HERC2: variants seen among roughly 807,000 people sequenced by gnomAD.
HERC2 encodes the protein HECT and RLD domain containing E3 ubiquitin protein ligase 2, also known as E3 ubiquitin-protein ligase HERC2.
HERC2 carries 102 observed loss-of-function variants against 537.7 expected under a neutral mutation model. That is an observed-to-expected ratio of 0.19 (90% CI 0.16 to 0.22). The LOEUF (loss-of-function observed/expected upper bound fraction) is 0.22, where lower values mean the gene tolerates loss of function less well. HERC2 is among the 10% of genes least tolerant of loss of function. The pLI is 1.00. For synonymous variants in HERC2, 2,224 were observed against 2,466.2 expected, an observed-to-expected ratio of 0.90 and a Z score of 2.91; for missense variants, 4,236 against 6,198.2, an observed-to-expected ratio of 0.68 and a Z score of 10.63.
intron 72 of HERC2, among the ~76,000 whole-genome samples, chr15:28,144,458 C>T (rs1192670816): frequency 3.3e-5 from 5 of 152,236 alleles, no homozygotes; most frequent in Admixed American, 2.0e-4. Context: ...ACTCCTTCCA[C>T]ACCAGGTGAG....
At chr15:28,118,224 G>C (rs1238127412) in intron 86 of HERC2, 3 of 157,924 alleles carry the variant, frequency 1.9e-5, no homozygotes, top group Admixed American at 5.9e-5. Flanking sequence ...TACAAGAAAA[G>C]AACAGGACAT....
At chr15:28,254,112 C>T (rs887718994) in intron 20 of HERC2, among the ~76,000 whole-genome samples, 2 of 152,094 alleles carry the variant, frequency 1.3e-5, no homozygotes, top group African/African-American at 2.4e-5. Context: ...GAAGAAACCC[C>T]GTCTCTACTA....
chr15:28,123,701 A>G (rs1889171258), intron 85 of HERC2, among the ~76,000 whole-genome samples: 1 of 152,234 alleles, frequency 6.6e-6, no homozygotes, highest in African/African-American at 2.4e-5. Context: ...CATAGCCACA[A>G]GGCCAGGCAG....
At chr15:28,120,596 G>A (rs370544367) in intron 86 of HERC2, among the ~76,000 whole-genome samples, 20 of 152,276 alleles carry the variant, frequency 1.3e-4, no homozygotes, top group South Asian at 4.1e-4. Flanking sequence ...TCTACTTGTC[G>A]TTTCTTTGAT....
At chr15:28,299,922 G>A (rs572180097) in intron 2 of HERC2, among the ~76,000 whole-genome samples, 134 of 151,874 alleles carry the variant, frequency 8.8e-4, no homozygotes, top group Admixed American at 1.6e-3. Context: ...GCGTGGTGGC[G>A]GGCGCCTGTA....
rs374693604 is a variant in HERC2, at chr15:28,254,477, A to G, written c.2913T>C (p.Ile971=). Residue 971 remains isoleucine (I), a synonymous_variant, in exon 20 of 93, where the codon ATT becomes ATC. Transcript: ENST00000261609. ...AKKEAQKEKE[I]DEQEANASTF... ...TTGAGGCATTCGCTTCCTGTTCATCAATTTCTTTTTCCTTCTGTGCTTCTT... is the reference window on the plus strand; with the variant it reads ...TTGAGGCATTCGCTTCCTGTTCATCGATTTCTTTTTCCTTCTGTGCTTCTT... 6 of 1,601,312 alleles carry G rather than the reference A, an allele frequency of 3.7e-6. No homozygotes were observed. The highest frequency in any genetic ancestry group is 5.1e-6 in the Non-Finnish European group (6 of 1,176,304).
At position 28,260,936 on chromosome 15, in the gene HERC2, G is replaced by A. The variant is rs376031242; in HGVS notation, c.2157C>T (p.Thr719=). 6.2e-7 allele frequency: 1 copy of A among 1,613,924 alleles called. No individual in the cohort carries two copies. The highest frequency in any genetic ancestry group is 8.5e-7 in the Non-Finnish European group (1 of 1,179,972). The change falls in exon 16 of 93, where the codon ACC becomes ACT. Residue 719 remains threonine, a synonymous_variant. Transcript: ENST00000261609. ...KKVIDVAAGS[T]HCLALTEDSE... ...TGTCCTCAGTCAGAGCCAGGCAGTGGGTGGAGCCTGCAGCCACATCAATCA... is the reference window on the plus strand; with the variant it reads ...TGTCCTCAGTCAGAGCCAGGCAGTGAGTGGAGCCTGCAGCCACATCAATCA...
intron 4 of HERC2, among the ~76,000 whole-genome samples, chr15:28,291,637 T>C (rs568950133): frequency 2.0e-5 from 3 of 152,036 alleles, no homozygotes; most frequent in South Asian, 4.1e-4. Flanking sequence ...CAAAAAAAAG[T>C]AAGCAAAGAA....
intron 55 of HERC2, among the ~76,000 whole-genome samples, chr15:28,188,852 C>A (rs979518185): frequency 6.6e-6 from 1 of 152,090 alleles, no homozygotes; most frequent in Admixed American, 6.6e-5. Context: ...CTTTGGGAGG[C>A]CAAGGTGGGC....
intron 58 of HERC2, 51 bp from the exon 59 acceptor site, chr15:28,179,081 CTT>C: frequency 6.2e-7 from 1 of 1,602,804 alleles, no homozygotes. Flanking sequence ...ACATTAAAAA[CTT>C]TTTTGTTTTT....
intron 57 of HERC2, among the ~76,000 whole-genome samples, chr15:28,181,152 C>T (rs1394207772): frequency 6.6e-6 from 1 of 152,164 alleles, no homozygotes; most frequent in African/African-American, 2.4e-5. Context: ...ATTCCTAGGG[C>T]CCTTTGTCTA....
At chr15:28,157,066 G>A (rs1893085422) in intron 69 of HERC2, among the ~76,000 whole-genome samples, 1 of 152,204 alleles carries the variant, frequency 6.6e-6, no homozygotes, top group African/African-American at 2.4e-5. Flanking sequence ...ATTTGCATAT[G>A]TTGAATCAGC....
rs1902100368 is a variant in HERC2 at position 28,233,531 on chromosome 15, C to A, written c.4382G>T (p.Gly1461Val). ...CTTTACTTGCTCAATACCAAGTGCA[C>A]CTGCATGAACTAAAGATAATGCCAC... is the stretch of plus-strand genomic sequence containing the variant. ...GHVALSLVHA[G>V]ALGIEQVKHR... The change falls in exon 29 of 93, where the codon GGT becomes GTT. Residue 1461 changes from glycine to valine, a missense_variant. This residue lies in a region of HERC2 where 94 missense variants were observed against 174.9 expected (regional missense o/e 0.54). Transcript: ENST00000261609. 6.2e-7 allele frequency: 1 copy of A among 1,603,974 alleles called. No individual in the cohort carries two copies. The highest frequency in any genetic ancestry group is 1.1e-5 in the South Asian group (1 of 90,854).
rs61755661 is a variant in HERC2, at chr15:28,198,391, C to A, written c.7998G>T (p.Val2666=). 2 of 1,612,540 alleles carry A rather than the reference C, an allele frequency of 1.2e-6. No homozygotes were observed. The highest frequency in any genetic ancestry group is 1.7e-6 in the Non-Finnish European group (2 of 1,179,894). ...AGATAATATTACCTTTCACAACCCCCACACTCTGATGAGTCACAGATCCCC... is the reference window on the plus strand; with the variant it reads ...AGATAATATTACCTTTCACAACCCCAACACTCTGATGAGTCACAGATCCCC... The part of the protein sequence containing the change: ...YKWGSVTHQS[V]GVVKAFSANG... Residue 2666 remains valine (V), a synonymous_variant, in exon 50 of 93, where the codon GTG becomes GTT. Coordinates refer to ENST00000261609, the MANE Select transcript of HERC2 (RefSeq NM_004667.6).
intron 4 of HERC2, among the ~76,000 whole-genome samples, chr15:28,290,093 A>T (rs1047074685): frequency 2.0e-5 from 3 of 152,226 alleles, no homozygotes; most frequent in African/African-American, 7.2e-5. Context: ...GTGAGGATAT[A>T]ACTTGTATCT....
At chr15:28,242,546 TCAATAA>T (rs1161411597) in intron 23 of HERC2, among the ~76,000 whole-genome samples, 3 of 152,142 alleles carry the variant, frequency 2.0e-5, no homozygotes, top group Admixed American at 6.5e-5. Context: ...GTGGTGGTTA[TCAATAA>T]CAATAAGTTG....
chr15:28,210,248 G>A (rs555393739), intron 44 of HERC2, among the ~76,000 whole-genome samples: 25 of 151,982 alleles, frequency 1.6e-4, no homozygotes, highest in Admixed American at 3.9e-4. Flanking sequence ...ATTCTCCTGC[G>A]TCAGCCTCCC....
At chr15:28,250,812 G>C (rs2075051341) in intron 20 of HERC2, among the ~76,000 whole-genome samples, 1 of 152,130 alleles carries the variant, frequency 6.6e-6, no homozygotes, top group African/African-American at 2.4e-5. Context: ...ACCCATGCAG[G>C]AGAGGGACAC....
intron 4 of HERC2, among the ~76,000 whole-genome samples, chr15:28,288,136 G>A (rs2076210118): frequency 6.6e-6 from 1 of 152,154 alleles, no homozygotes; most frequent in African/African-American, 2.4e-5. Context: ...TCTGTCAGAA[G>A]ATCTAGAAAC....
Sources: gnomAD v4.1 joint callset for allele counts (sites outside exome capture counted in the v4.1 genomes callset) on GRCh38, gnomAD v4.1.1 for gene constraint, gnomAD v4.1.1 regional missense constraint, MANE v1.5 for transcripts, NCBI Gene and HGNC (gene_info 2026-07-23, HGNC 2026-07-21) for gene names.